ZSCAN25: variants seen among roughly 807,000 people sequenced by gnomAD.
ZSCAN25 encodes zinc finger and SCAN domain containing 25.
Under a neutral mutation model 38.7 loss-of-function variants are expected in ZSCAN25, and 27 were observed. The ratio of observed to expected loss-of-function variants is 0.70; its 90% confidence interval spans 0.51 to 0.96. The LOEUF is 0.96. ZSCAN25 is among the 40% of genes least tolerant of loss of function. ZSCAN25 has a pLI of 0.00. For missense variants in ZSCAN25, 637 were observed against 705.9 expected, an observed-to-expected ratio of 0.90 and a Z score of 1.11; for synonymous variants, 273 against 277.7, an observed-to-expected ratio of 0.98 and a Z score of 0.17.
the ZSCAN25 span, chr7:99,677,364 C>A: frequency 2.0e-6 from 1 of 494,892 alleles, no homozygotes; most frequent in Non-Finnish European, 2.6e-6. Context: ...AGATGATGTG[C>A]ATAAAAGAAT....
At chr7:99,722,685 G>A in the ZSCAN25 span, among the ~76,000 whole-genome samples, 1 of 152,122 alleles carries the variant, frequency 6.6e-6, no homozygotes, top group South Asian at 2.1e-4. Flanking sequence ...TCACCTCTAG[G>A]GGCATGTGGA....
the ZSCAN25 span, among the ~76,000 whole-genome samples, chr7:99,696,732 G>A: frequency 2.0e-5 from 3 of 152,194 alleles, no homozygotes; most frequent in Admixed American, 6.5e-5. Context: ...GTCTGAATCT[G>A]CCCCTACGCA....
chr7:99,715,791 A>T, the ZSCAN25 span: 1 of 1,613,870 alleles, frequency 6.2e-7, no homozygotes. Flanking sequence ...AATGGATTAA[A>T]TCTTAAAAGC....
chr7:99,707,242 A>G, the ZSCAN25 span, among the ~76,000 whole-genome samples: 20 of 152,206 alleles, frequency 1.3e-4, no homozygotes, highest in African/African-American at 4.3e-4. Flanking sequence ...AGTCCTTCGT[A>G]TCCAATAGAA....
chr7:99,706,943 G>T, the ZSCAN25 span, among the ~76,000 whole-genome samples: 1 of 152,158 alleles, frequency 6.6e-6, no homozygotes, highest in African/African-American at 2.4e-5. Flanking sequence ...TAGATAAAGA[G>T]AAAATATAGA....
chr7:99,705,525 C>T, the ZSCAN25 span: 2 of 1,613,586 alleles, frequency 1.2e-6, no homozygotes, highest in Non-Finnish European at 1.7e-6. Context: ...GGTCTCATCC[C>T]TTGACTCAGC....
chr7:99,648,346 G>C, the ZSCAN25 span: 1 of 1,612,212 alleles, frequency 6.2e-7, no homozygotes, highest in South Asian at 1.1e-5. Flanking sequence ...TCCACCTTTA[G>C]AACAATGGGT....
At chr7:99,726,356 C>T in the ZSCAN25 span, among the ~76,000 whole-genome samples, 4 of 152,188 alleles carry the variant, frequency 2.6e-5, no homozygotes, top group Non-Finnish European at 4.4e-5. Context: ...TATAATTCCC[C>T]CATCTTACCT....
the ZSCAN25 span, chr7:99,720,959 A>G: frequency 6.4e-6 from 1 of 156,254 alleles, no homozygotes; most frequent in South Asian, 1.9e-4. Flanking sequence ...TGCAGACAGC[A>G]CTGTGGTTTC....
chr7:99,624,223 G>A, intron 7 of ZSCAN25, 43 bp downstream of exon 7: 2 of 1,611,746 alleles, frequency 1.2e-6, no homozygotes, highest in Non-Finnish European at 1.7e-6. Context: ...GGGGAGTTCT[G>A]AAAGCTCAGG....
the ZSCAN25 span, among the ~76,000 whole-genome samples, chr7:99,673,232 C>T: frequency 3.3e-3 from 508 of 152,226 alleles, 2 homozygotes; most frequent in African/African-American, 0.011. Context: ...CCACAGTCAG[C>T]GCTGTGGATT....
At chr7:99,621,232 A>C in intron 4 of ZSCAN25, 141 bp from the exon 5 acceptor site, 8 of 630,996 alleles carry the variant, frequency 1.3e-5, no homozygotes, top group Non-Finnish European at 1.9e-5. Flanking sequence ...GTCCTGGGGA[A>C]GAGCTCAGCT....
chr7:99,691,536 CTT>C, the ZSCAN25 span, among the ~76,000 whole-genome samples: 1 of 152,144 alleles, frequency 6.6e-6, no homozygotes, highest in African/African-American at 2.4e-5. Flanking sequence ...GTCTAAGTCT[CTT>C]TATAGGTCTC....
chr7:99,706,797 A>G, the ZSCAN25 span, among the ~76,000 whole-genome samples: 2 of 152,246 alleles, frequency 1.3e-5, no homozygotes, highest in African/African-American at 2.4e-5. Context: ...AAACCAATCG[A>G]CTGCATATCA....
At chr7:99,708,079 C>G in the ZSCAN25 span, 1 of 1,522,230 alleles carries the variant, frequency 6.6e-7, no homozygotes, top group Non-Finnish European at 9.1e-7. Context: ...TAGCAGTACA[C>G]AGGATACTTT....
At chr7:99,661,822 A>C in the ZSCAN25 span, among the ~76,000 whole-genome samples, 1 of 152,234 alleles carries the variant, frequency 6.6e-6, no homozygotes, top group East Asian at 1.9e-4. Flanking sequence ...GTAATTTTAA[A>C]GTTGGGAGCT....
At chr7:99,733,298 G>A in the ZSCAN25 span, among the ~76,000 whole-genome samples, 9 of 152,186 alleles carry the variant, frequency 5.9e-5, no homozygotes, top group Non-Finnish European at 1.3e-4. Flanking sequence ...ATTGGCCCCC[G>A]AGGAAAGATC....
At position 99,630,384 on chromosome 7, in the gene ZSCAN25, G is replaced by C. The variant is rs747569036; in HGVS notation, c.*364G>C. The C allele has an allele frequency of 9.5e-7, 1 of 1,056,396 alleles. No homozygotes were observed. Among genetic ancestry groups the C allele is most frequent in the South Asian group, 3.9e-5 (1 of 25,926 alleles). 65.4% of individuals were successfully genotyped at this position (1,056,396 alleles called of 1,614,324 possible). ...GGGACCTCATCTTCCTGAGGGCTCT[G>C]TCTTGCCTGCAGGGTCATAGCTCAG... On this transcript the variant is annotated 3_prime_UTR_variant, in exon 8 of 8. Transcript: ENST00000394152.
downstream of ZSCAN25, among the ~76,000 whole-genome samples, chr7:99,637,316 C>T (rs1193138067): frequency 1.3e-5 from 2 of 151,996 alleles, no homozygotes; most frequent in African/African-American, 4.8e-5. Flanking sequence ...GCCCAAAAGT[C>T]ACTTAAAATA....
Sources: allele counts gnomAD v4.1 joint callset (sites outside exome capture counted in the v4.1 genomes callset), GRCh38; gene constraint gnomAD v4.1.1; transcripts MANE v1.5; gene names NCBI Gene and HGNC (gene_info 2026-07-23, HGNC 2026-07-21).